Variants in POLK observed in about 807,000 individuals in gnomAD.
The protein encoded by POLK is polymerase (DNA directed) kappa.
POLK carries 76 observed loss-of-function variants against 94.0 expected under a neutral mutation model. The observed-to-expected ratio is 0.81, with a 90% CI of 0.67 to 0.98. POLK has a LOEUF of 0.98. Among genes scored for constraint, POLK ranks in the 50% least tolerant of loss-of-function variants. The pLI is 0.00. For synonymous variants in POLK, 349 were observed against 325.4 expected, an observed-to-expected ratio of 1.07 and a Z score of -0.78; for missense variants, 954 against 1,010.1, an observed-to-expected ratio of 0.94 and a Z score of 0.75.
chr5:75,592,369 A>G (rs567758782), intron 11 of POLK, among the ~76,000 whole-genome samples: 6 of 152,346 alleles, frequency 3.9e-5, no homozygotes, highest in Admixed American at 2.6e-4. Context: ...GATTCAGTAA[A>G]AATAAAAGTG....
downstream of POLK, among the ~76,000 whole-genome samples, chr5:75,601,811 C>T (rs1218755665): frequency 6.6e-6 from 1 of 152,108 alleles, no homozygotes; most frequent in Non-Finnish European, 1.5e-5. Context: ...TCTCAGCTTG[C>T]AGACTGTGGG....
At chr5:75,548,712 G>C (rs1417911403) in intron 2 of POLK, among the ~76,000 whole-genome samples, 1 of 151,870 alleles carries the variant, frequency 6.6e-6, no homozygotes, top group African/African-American at 2.4e-5. Flanking sequence ...AAAAGGAGGG[G>C]AAAGTGTGTG....
At chr5:75,579,798 G>A (rs1464282759) in intron 6 of POLK, among the ~76,000 whole-genome samples, 1 of 151,772 alleles carries the variant, frequency 6.6e-6, no homozygotes, top group Admixed American at 6.6e-5. Flanking sequence ...TATAATCCTA[G>A]CACTTTAGGA....
chr5:75,557,300 G>A (rs1770683766), intron 3 of POLK, among the ~76,000 whole-genome samples: 2 of 152,086 alleles, frequency 1.3e-5, no homozygotes, highest in South Asian at 2.1e-4. Flanking sequence ...ACAATATTTT[G>A]TTGGCTAATT....
At chr5:75,511,070 G>GT, upstream of POLK, 2 of 1,497,130 alleles carry the variant, frequency 1.3e-6, no homozygotes, top group Non-Finnish European at 8.9e-7. Flanking sequence ...CTCGCTGCAG[G>GT]TGAGTCTGGC....
upstream of POLK, chr5:75,511,035 C>T: frequency 6.9e-7 from 1 of 1,447,984 alleles, no homozygotes; most frequent in Non-Finnish European, 9.1e-7. Flanking sequence ...CCCGCCAGCC[C>T]CACCCCACCG....
rs71600465 is a variant in POLK, at chr5:75,589,388, TACACACACACACACACAC to T, written c.1260-923_1260-906del. Among the ~76,000 whole-genome samples the T allele has an allele frequency of 2.5e-3, 317 of 128,316 alleles. 3 individuals carry two copies. Among genetic ancestry groups the T allele is most frequent in the Non-Finnish European group, 2.7e-3 (165 of 61,388 alleles). 84.2% of individuals were successfully genotyped at this position (128,316 alleles called of 152,430 possible). ...TGCTTATTTTATATATATACACACA[TACACACACACACACACAC>T]ACACACACACACACACACACACACA... On this transcript the variant is annotated intron_variant, in intron 10 of 14. Coordinates refer to ENST00000241436, the Ensembl canonical transcript of POLK.
At chr5:75,608,528 G>A in the POLK span, among the ~76,000 whole-genome samples, 1 of 152,064 alleles carries the variant, frequency 6.6e-6, no homozygotes. Context: ...TATTTATGAA[G>A]TTTACATTCT....
At chr5:75,528,278 G>GGAA (rs1467706000) in intron 1 of POLK, among the ~76,000 whole-genome samples, 1 of 151,916 alleles carries the variant, frequency 6.6e-6, no homozygotes, top group African/African-American at 2.4e-5. Flanking sequence ...GATTAAGAGG[G>GGAA]GAAGAAAAGG....
downstream of POLK, among the ~76,000 whole-genome samples, chr5:75,603,907 T>A (rs1773357880): frequency 1.3e-5 from 2 of 152,226 alleles, no homozygotes; most frequent in Non-Finnish European, 2.9e-5. Context: ...ACAAAGACCC[T>A]GAAACATTCT....
At chr5:75,590,737 T>TA (rs1581097267) in intron 11 of POLK, among the ~76,000 whole-genome samples, 1 of 152,184 alleles carries the variant, frequency 6.6e-6, no homozygotes, top group East Asian at 1.9e-4. Context: ...AAACCAAAGT[T>TA]ACACTGGCAT....
At chr5:75,593,376 C>T (rs565224100) in intron 11 of POLK, among the ~76,000 whole-genome samples, 1 of 152,230 alleles carries the variant, frequency 6.6e-6, no homozygotes, top group East Asian at 1.9e-4. Context: ...GTGATCCGCC[C>T]GCCCAAAATG....
At chr5:75,557,559 T>C (rs1421165868) in intron 3 of POLK, among the ~76,000 whole-genome samples, 1 of 152,236 alleles carries the variant, frequency 6.6e-6, no homozygotes, top group Non-Finnish European at 1.5e-5. Flanking sequence ...CAAACCATCA[T>C]AAGTCCAGAT....
chr5:75,536,130 C>T (rs1194669397), intron 1 of POLK, among the ~76,000 whole-genome samples: 2 of 152,008 alleles, frequency 1.3e-5, no homozygotes, highest in Admixed American at 6.6e-5. Context: ...TTGCTTTTCT[C>T]TTCTTTGATG....
At chr5:75,544,514 C>T (rs946954872) in intron 1 of POLK, among the ~76,000 whole-genome samples, 1 of 152,092 alleles carries the variant, frequency 6.6e-6, no homozygotes, top group Non-Finnish European at 1.5e-5. Flanking sequence ...TGGTGGTGTG[C>T]ACCTGTAGTT....
Position 75,511,915 on chromosome 5 carries a change from G to C in POLK, c.-14+1G>C. The C allele has an allele frequency of 8.1e-7, 1 of 1,240,380 alleles. No homozygotes were observed. The highest frequency in any genetic ancestry group is 1.1e-6 in the Non-Finnish European group (1 of 893,676). The allele number at this position is 1,240,380 out of a possible 1,614,324, so 76.8% of individuals were successfully genotyped here. A position where few individuals can be genotyped will look rare whatever the true frequency, so the allele number is the denominator to read the frequency against. ...TGTAGTCGCGATCCTGAGGTAACGGGTGAGTATCCCGCGCGGGGATCGCTT... is the reference window on the plus strand; with the variant it reads ...TGTAGTCGCGATCCTGAGGTAACGGCTGAGTATCCCGCGCGGGGATCGCTT... On this transcript the variant is annotated splice_donor_variant, in intron 1 of 14. Transcript: ENST00000241436. LOFTEE classifies it low-confidence loss of function (5UTR_SPLICE).
chr5:75,605,352 C>A (rs781687030), downstream of POLK, among the ~76,000 whole-genome samples: 1 of 152,126 alleles, frequency 6.6e-6, no homozygotes, highest in Non-Finnish European at 1.5e-5. Context: ...ACAATACTTT[C>A]CTAATATCAC....
the POLK span, among the ~76,000 whole-genome samples, chr5:75,607,326 G>A: frequency 6.6e-6 from 1 of 152,108 alleles, no homozygotes; most frequent in Non-Finnish European, 1.5e-5. Flanking sequence ...AAAGTAGCTG[G>A]GCGTGGTGGC....
At chr5:75,562,138 G>T (rs1771021607) in intron 3 of POLK, among the ~76,000 whole-genome samples, 1 of 152,198 alleles carries the variant, frequency 6.6e-6, no homozygotes, top group African/African-American at 2.4e-5. Flanking sequence ...TCCCATCCAT[G>T]AGTATGGAAT....
Sources: allele counts gnomAD v4.1 joint callset (sites outside exome capture counted in the v4.1 genomes callset), GRCh38; gene constraint gnomAD v4.1.1; transcripts MANE v1.5; gene names NCBI Gene and HGNC (gene_info 2026-07-23, HGNC 2026-07-21).